The following UGT1A8 variants were observed in gnomAD, a reference collection of about 807,000 sequenced individuals.
The protein encoded by UGT1A8 is UDP glucuronosyltransferase family 1 member A8, also known as UDP-glucuronosyltransferase 1A8.
In UGT1A8, 39 loss-of-function variants were observed where a neutral mutation model predicts 45.3. The observed-to-expected ratio is 0.86, with a 90% CI of 0.67 to 1.12. The LOEUF (loss-of-function observed/expected upper bound fraction) is 1.12. UGT1A8 is among the 50% of genes most tolerant of loss of function. The probability of loss-of-function intolerance (pLI) is 0.00; values close to 1 mark genes in which losing one functional copy is unlikely to be tolerated. For missense variants in UGT1A8, 719 were observed against 664.9 expected (o/e 1.08, Z -0.90); for synonymous variants, 275 against 249.2 (o/e 1.10, Z -0.97).
At chr2:233,718,734 T>C (rs2076679363) in intron 1 of UGT1A8, 3 of 1,611,626 alleles carry the variant, frequency 1.9e-6, no homozygotes, top group Non-Finnish European at 2.5e-6. Context: ...GCTAGGTGGC[T>C]CAATGACAAG....
chr2:233,646,714 A>C (rs2073612623), intron 1 of UGT1A8, among the ~76,000 whole-genome samples: 1 of 152,192 alleles, frequency 6.6e-6, no homozygotes, highest in Non-Finnish European at 1.5e-5. Context: ...TTTATTGTCC[A>C]TATTGCTATC....
At chr2:233,690,562 G>C in intron 1 of UGT1A8, 1 of 1,289,358 alleles carries the variant, frequency 7.8e-7, no homozygotes, top group Non-Finnish European at 1.0e-6. Context: ...CCAAGCCTGA[G>C]TCATTCAGCC....
Position 233,672,123 on chromosome 2 carries a change from T to C in UGT1A8, c.855+53561T>C, listed in dbSNP as rs758097643. On this transcript the variant is annotated intron_variant, in intron 1 of 4. Coordinates refer to ENST00000373450, the MANE Select transcript of UGT1A8 (RefSeq NM_019076.5). ...TGGTTGTAGTCATGCCAGAGGTGAG[T>C]TGGCAACTGGGAAGATCACTGAATT... The C allele has an allele frequency of 3.1e-6, 5 of 1,614,100 alleles. No individual in the cohort carries two copies. In the South Asian group the frequency reaches 3.3e-5, roughly 11 times the overall value.
At chr2:233,691,154 G>A in intron 1 of UGT1A8, 2 of 985,746 alleles carry the variant, frequency 2.0e-6, no homozygotes, top group Non-Finnish European at 2.4e-6. Flanking sequence ...GTTCTTTGAA[G>A]GAAACCTGCC....
intron 1 of UGT1A8, chr2:233,743,836 C>T (rs62191918): frequency 0.07 from 95,512 of 1,367,130 alleles, 4,650 homozygotes; most frequent in East Asian, 0.2. Context: ...GCCACTTGAG[C>T]GCCAGCTTGC....
intron 1 of UGT1A8, among the ~76,000 whole-genome samples, chr2:233,649,440 G>A (rs752663272): frequency 6.6e-6 from 1 of 152,168 alleles, no homozygotes; most frequent in East Asian, 1.9e-4. Context: ...ACTACCTGCT[G>A]CAGTAAAATG....
intron 1 of UGT1A8, among the ~76,000 whole-genome samples, chr2:233,649,298 C>A (rs1346959287): frequency 6.6e-6 from 1 of 152,172 alleles, no homozygotes; most frequent in Non-Finnish European, 1.5e-5. Context: ...GGTGCCCTGG[C>A]TAGACTCAAA....
At chr2:233,703,713 T>C (rs117258472) in intron 1 of UGT1A8, among the ~76,000 whole-genome samples, 2,672 of 152,246 alleles carry the variant, frequency 0.018, 41 homozygotes, top group South Asian at 0.042. Context: ...AAAATTTAAG[T>C]TTTAAATATA....
chr2:233,653,185 T>C lies in UGT1A8; in HGVS notation c.855+34623T>C, dbSNP rs181740050. Among the ~76,000 whole-genome samples the C allele has an allele frequency of 1.7e-4, 26 of 152,330 alleles. No individual in the cohort carries two copies. In the East Asian group the frequency reaches 4.8e-3, roughly 28 times the overall value. The stretch of plus-strand genomic sequence containing the variant: ...CAAATGTAATTCCAGAAAAAATAAC[T>C]TTAAAAATTATTTATTTGAAAGATA... On this transcript the variant is annotated intron_variant, in intron 1 of 4. Transcript: ENST00000373450.
At chr2:233,671,428 A>T (rs2074187796) in intron 1 of UGT1A8, among the ~76,000 whole-genome samples, 1 of 152,232 alleles carries the variant, frequency 6.6e-6, no homozygotes, top group African/African-American at 2.4e-5. Flanking sequence ...TTGCAGAGAC[A>T]CAGGCGAGCC....
At chr2:233,668,217 C>G (rs370158417) in intron 1 of UGT1A8, among the ~76,000 whole-genome samples, 5 of 152,236 alleles carry the variant, frequency 3.3e-5, no homozygotes, top group African/African-American at 1.2e-4. Flanking sequence ...ACCCCCACCT[C>G]TCGACAGGCC....
chr2:233,707,891 T>G (rs1264275324), intron 1 of UGT1A8, among the ~76,000 whole-genome samples: 1 of 152,254 alleles, frequency 6.6e-6, no homozygotes, highest in African/African-American at 2.4e-5. Flanking sequence ...GCATTAGTTA[T>G]GTACATGACT....
chr2:233,690,554 A>G (rs1232245723), intron 1 of UGT1A8: 1 of 1,289,716 alleles, frequency 7.8e-7, no homozygotes, highest in Non-Finnish European at 1.0e-6. Flanking sequence ...AATATGTCCC[A>G]AGCCTGAGTC....
At chr2:233,636,247 C>T (rs2073287117) in intron 1 of UGT1A8, among the ~76,000 whole-genome samples, 1 of 141,412 alleles carries the variant, frequency 7.1e-6, no homozygotes, top group Admixed American at 7.3e-5. Context: ...CTGAATAATT[C>T]TGTTTCTAAA....
intron 1 of UGT1A8, among the ~76,000 whole-genome samples, chr2:233,714,816 G>A (rs1447041593): frequency 6.6e-6 from 1 of 152,208 alleles, no homozygotes; most frequent in African/African-American, 2.4e-5. Context: ...TATGTAGTTA[G>A]TGACAACAAT....
intron 1 of UGT1A8, among the ~76,000 whole-genome samples, chr2:233,643,116 G>A (rs577710669): frequency 2.3e-4 from 35 of 152,344 alleles, no homozygotes; most frequent in East Asian, 9.7e-4. Flanking sequence ...CAGCCAGCCA[G>A]ACCTGCATCC....
At chr2:233,740,031 T>C (rs1041494414) in intron 1 of UGT1A8, among the ~76,000 whole-genome samples, 2 of 151,832 alleles carry the variant, frequency 1.3e-5, no homozygotes, top group African/African-American at 2.4e-5. Flanking sequence ...CTGATGGTTT[T>C]ATAAGGGACT....
At chr2:233,760,286 C>T in intron 1 of UGT1A8, 1 of 1,613,058 alleles carries the variant, frequency 6.2e-7, no homozygotes, top group Non-Finnish European at 8.5e-7. Flanking sequence ...AGCAAAGGCG[C>T]CATGGCTGTG....
intron 1 of UGT1A8, among the ~76,000 whole-genome samples, chr2:233,632,072 C>T (rs565564282): frequency 6.6e-6 from 1 of 152,296 alleles, no homozygotes; most frequent in Admixed American, 6.5e-5. Flanking sequence ...GTTTTCCCAA[C>T]ACCATTTATT....
Sources: allele counts gnomAD v4.1 joint callset (sites outside exome capture counted in the v4.1 genomes callset), GRCh38; gene constraint gnomAD v4.1.1; transcripts MANE v1.5; gene names NCBI Gene and HGNC (gene_info 2026-07-23, HGNC 2026-07-21).